The following NOL4 variants were observed in gnomAD, a reference collection of about 807,000 sequenced individuals.
NOL4 encodes the protein nucleolar protein 4, also known as cancer/testis antigen 125.
A neutral mutation model predicts 75.9 loss-of-function variants in NOL4; 17 were observed. That is an observed-to-expected ratio of 0.22 (90% CI 0.15 to 0.34). The LOEUF is 0.34. Ranked by LOEUF, NOL4 falls within the 10% of genes least tolerant of loss-of-function variation. The pLI, the probability that NOL4 is intolerant of heterozygous loss-of-function variation, is 1.00. For synonymous variants in NOL4, 292 were observed against 289.9 expected, an observed-to-expected ratio of 1.01 and a Z score of -0.07; for missense variants, 614 against 793.5, an observed-to-expected ratio of 0.77 and a Z score of 2.72.
intron 9 of NOL4, among the ~76,000 whole-genome samples, chr18:33,893,055 A>T (rs925860385): frequency 9.2e-5 from 14 of 152,132 alleles, no homozygotes; most frequent in African/African-American, 3.4e-4. Flanking sequence ...ATGACCACAT[A>T]CAATACACTA....
chr18:33,864,224 G>A (rs1321713848), intron 10 of NOL4, among the ~76,000 whole-genome samples: 2 of 152,158 alleles, frequency 1.3e-5, no homozygotes, highest in African/African-American at 4.8e-5. Context: ...TCTTGGTATT[G>A]ACATTCTGCT....
intron 1 of NOL4, among the ~76,000 whole-genome samples, chr18:34,218,409 A>C (rs2037066708): frequency 6.6e-6 from 1 of 152,208 alleles, no homozygotes. Flanking sequence ...AAAAACTGGT[A>C]TCTCAAGAAA....
intron 1 of NOL4, among the ~76,000 whole-genome samples, chr18:34,203,717 TCA>T (rs60755450): frequency 0.045 from 3,247 of 72,084 alleles, 164 homozygotes; most frequent in African/African-American, 0.14. Context: ...TCTCTCTCTC[TCA>T]CACACACACA....
chr18:34,078,692 T>C (rs929687987), intron 5 of NOL4, among the ~76,000 whole-genome samples: 2 of 152,202 alleles, frequency 1.3e-5, no homozygotes, highest in Non-Finnish European at 2.9e-5. Flanking sequence ...CAAAATACTA[T>C]ATCCAGCAAA....
At chr18:33,958,491 A>C (rs2069840701) in intron 6 of NOL4, 73 bp from the exon 7 acceptor site, 1 of 1,334,724 alleles carries the variant, frequency 7.5e-7, no homozygotes, top group African/African-American at 1.5e-5. Flanking sequence ...TTCATCTTTA[A>C]TTTCAACTGT....
intron 1 of NOL4, among the ~76,000 whole-genome samples, chr18:34,132,925 T>TA (rs777617636): frequency 8.0e-4 from 121 of 151,890 alleles, no homozygotes; most frequent in Non-Finnish European, 1.5e-3. Context: ...TTGCTAAATG[T>TA]AAAAAACTGT....
rs549112866 is a variant in NOL4 at position 34,109,825 on chromosome 18, A to T, written c.415-4665T>A. Among the ~76,000 whole-genome samples, 191 of 151,980 alleles carry T rather than the reference A, an allele frequency of 1.3e-3. 1 individual carries two copies. Among genetic ancestry groups the T allele is most frequent in the African/African-American group, 4.3e-3 (177 of 41,528 alleles). On this transcript the variant is annotated intron_variant, in intron 2 of 10. Coordinates refer to ENST00000261592, the MANE Select transcript of NOL4 (RefSeq NM_003787.5). ...AATAAAATTATAATTAAATGAAGAGATATTATAAATATCAGAGAAATACAA... is the reference window on the plus strand; with the variant it reads ...AATAAAATTATAATTAAATGAAGAGTTATTATAAATATCAGAGAAATACAA...
chr18:33,944,306 C>G (rs183442324), intron 8 of NOL4, among the ~76,000 whole-genome samples: 1 of 152,008 alleles, frequency 6.6e-6, no homozygotes, highest in East Asian at 1.9e-4. Flanking sequence ...CCAACTCTGG[C>G]ATGTAGAGTG....
intron 6 of NOL4, among the ~76,000 whole-genome samples, chr18:33,967,039 A>G (rs2070662021): frequency 6.6e-6 from 1 of 152,188 alleles, no homozygotes; most frequent in South Asian, 2.1e-4. Flanking sequence ...TAAGCAAAAA[A>G]CAAAGCCAGA....
intron 6 of NOL4, among the ~76,000 whole-genome samples, chr18:33,980,507 T>C (rs1035202036): frequency 6.6e-6 from 1 of 151,938 alleles, no homozygotes; most frequent in African/African-American, 2.4e-5. Context: ...AGAGCCTAAA[T>C]TGCTGTGGTT....
At chr18:34,008,120 C>G (rs763433033) in intron 6 of NOL4, among the ~76,000 whole-genome samples, 1 of 151,970 alleles carries the variant, frequency 6.6e-6, no homozygotes, top group Non-Finnish European at 1.5e-5. Flanking sequence ...AAGGGCAAGT[C>G]CACTCCATTT....
At chr18:33,862,330 C>T (rs1233784165) in intron 10 of NOL4, among the ~76,000 whole-genome samples, 3 of 152,070 alleles carry the variant, frequency 2.0e-5, no homozygotes, top group African/African-American at 4.8e-5. Flanking sequence ...GAAGAAAACA[C>T]AGGCATTACC....
intron 10 of NOL4, among the ~76,000 whole-genome samples, chr18:33,879,654 C>T (rs1255178447): frequency 6.6e-6 from 1 of 152,086 alleles, no homozygotes; most frequent in Admixed American, 6.6e-5. Context: ...ACACTCCAGC[C>T]TGGGCAACAG....
intron 8 of NOL4, among the ~76,000 whole-genome samples, chr18:33,949,882 A>G (rs925648741): frequency 1.3e-5 from 2 of 152,050 alleles, no homozygotes; most frequent in African/African-American, 4.8e-5. Context: ...TTAGTTAATA[A>G]CAGCTGACAA....
intron 5 of NOL4, among the ~76,000 whole-genome samples, chr18:34,089,147 A>T (rs1306689383): frequency 6.6e-6 from 1 of 152,078 alleles, no homozygotes; most frequent in Non-Finnish European, 1.5e-5. Flanking sequence ...TTTACTCTTC[A>T]TTTTATATGG....
chr18:34,208,517 T>G (rs2036280380), intron 1 of NOL4, among the ~76,000 whole-genome samples: 1 of 152,130 alleles, frequency 6.6e-6, no homozygotes, highest in Non-Finnish European at 1.5e-5. Flanking sequence ...AAATGTCAGT[T>G]GTAATATACA....
chr18:34,025,534 T>C (rs985964766), intron 5 of NOL4, among the ~76,000 whole-genome samples: 5 of 152,198 alleles, frequency 3.3e-5, no homozygotes, highest in Non-Finnish European at 5.9e-5. Flanking sequence ...GGGTCCTGCA[T>C]GTTCTCTTTC....
At chr18:34,064,221 T>C (rs767763562) in intron 5 of NOL4, among the ~76,000 whole-genome samples, 4 of 152,034 alleles carry the variant, frequency 2.6e-5, no homozygotes, top group African/African-American at 9.7e-5. Flanking sequence ...ACCACAGGAC[T>C]AAACAATCTA....
intron 2 of NOL4, among the ~76,000 whole-genome samples, chr18:34,108,592 A>G (rs2145720163): frequency 6.6e-6 from 1 of 152,286 alleles, no homozygotes; most frequent in South Asian, 2.1e-4. Flanking sequence ...AATTGTCACA[A>G]GAGGCAATGA....
Sources: allele counts gnomAD v4.1 joint callset (sites outside exome capture counted in the v4.1 genomes callset), GRCh38; gene constraint gnomAD v4.1.1; transcripts MANE v1.5; gene names NCBI Gene and HGNC (gene_info 2026-07-23, HGNC 2026-07-21).